RASGEF1C: variants seen among roughly 807,000 people sequenced by gnomAD.
RASGEF1C encodes the protein RasGEF domain family member 1C, also known as ras-GEF domain-containing family member 1C.
In RASGEF1C, 27 loss-of-function variants were observed where a neutral mutation model predicts 58.1. The observed-to-expected ratio is 0.46, with a 90% CI of 0.34 to 0.64. The LOEUF (loss-of-function observed/expected upper bound fraction) is 0.64. Among genes scored for constraint, RASGEF1C ranks in the 30% least tolerant of loss-of-function variants. RASGEF1C has a pLI of 0.01. For synonymous variants in RASGEF1C, 243 were observed against 246.3 expected (o/e 0.99, Z 0.13); for missense variants, 502 against 605.1 (o/e 0.83, Z 1.79).
intron 10 of RASGEF1C, among the ~76,000 whole-genome samples, chr5:180,115,728 G>A (rs373919194): frequency 2.6e-5 from 4 of 152,174 alleles, no homozygotes; most frequent in East Asian, 1.9e-4. Flanking sequence ...ATTTATACAT[G>A]AGGAAGCTGA....
chr5:180,185,217 G>C (rs1264191222), intron 1 of RASGEF1C, among the ~76,000 whole-genome samples: 1 of 151,786 alleles, frequency 6.6e-6, no homozygotes, highest in East Asian at 1.9e-4. Flanking sequence ...GTGTGAACCC[G>C]GGAGGCAGAG....
intron 1 of RASGEF1C, among the ~76,000 whole-genome samples, chr5:180,174,861 C>T (rs1350360441): frequency 6.6e-6 from 1 of 152,162 alleles, no homozygotes; most frequent in Non-Finnish European, 1.5e-5. Flanking sequence ...AGAGAGGGGC[C>T]GACCTGTGCT....
intron 10 of RASGEF1C, among the ~76,000 whole-genome samples, chr5:180,118,230 G>A (rs1582264607): frequency 6.6e-6 from 1 of 152,138 alleles, no homozygotes; most frequent in African/African-American, 2.4e-5. Flanking sequence ...AAGTGGGGAG[G>A]AGCCTGGAAA....
At chr5:180,112,249 C>T (rs1245885310) in intron 11 of RASGEF1C, among the ~76,000 whole-genome samples, 1 of 152,216 alleles carries the variant, frequency 6.6e-6, no homozygotes, top group East Asian at 1.9e-4. Flanking sequence ...CCATCTTGTC[C>T]ACATCACCTC....
chr5:180,102,084 ATCTT>A lies in RASGEF1C; in HGVS notation c.1359_1362del (p.Glu453AspfsTer5). On this transcript the variant is annotated frameshift_variant, in exon 13 of 14. Transcript: ENST00000361132. LOFTEE classifies it high-confidence loss of function. Reference sequence around the variant, plus strand: ...AGGAAGACTCACCTTAGAGCTTTCCATCTTTCTTTTTCTGTTTGGTTCTCTGGGC... The same window carrying A: ...AGGAAGACTCACCTTAGAGCTTTCCATCTTTTTCTGTTTGGTTCTCTGGGC... 6.3e-7 allele frequency: 1 copy of A among 1,599,912 alleles called. No individual in the cohort carries two copies. The highest frequency in any genetic ancestry group is 8.6e-7 in the Non-Finnish European group (1 of 1,166,966).
Position 180,137,072 on chromosome 5 carries a change from G to A in RASGEF1C, c.300+518C>T, listed in dbSNP as rs771711942. 3.9e-5 allele frequency among the ~76,000 whole-genome samples: 6 copies of A among 152,234 alleles called. No homozygotes were observed. Among genetic ancestry groups the A allele is most frequent in the African/African-American group, 1.4e-4 (6 of 41,464 alleles). On this transcript the variant is annotated intron_variant, in intron 3 of 13. Transcript: ENST00000361132. This position sits in a 1 kb window ranked among gnomAD's most constrained non-coding sequence, Gnocchi z 4.1. ...GGAAGCGGCAGCAGAGGGCGGGAGG[G>A]AGACAGGCCACGGTGCAGTGCTGTG...
intron 1 of RASGEF1C, among the ~76,000 whole-genome samples, chr5:180,184,571 C>T (rs1380293118): frequency 6.6e-6 from 1 of 152,008 alleles, no homozygotes; most frequent in African/African-American, 2.4e-5. Flanking sequence ...AGCAAGACTC[C>T]ATCTCAAAAA....
chr5:180,159,011 T>G (rs1318538586), intron 1 of RASGEF1C, among the ~76,000 whole-genome samples: 1 of 152,148 alleles, frequency 6.6e-6, no homozygotes, highest in Non-Finnish European at 1.5e-5. Flanking sequence ...TTTCTGCTGA[T>G]GTATTATTAA....
intron 11 of RASGEF1C, among the ~76,000 whole-genome samples, chr5:180,114,174 A>C (rs1316390411): frequency 6.6e-6 from 1 of 152,184 alleles, no homozygotes; most frequent in Non-Finnish European, 1.5e-5. Context: ...CTTTCTCGCC[A>C]GCCTGGTGCT....
At chr5:180,166,476 G>A (rs62406101) in intron 1 of RASGEF1C, among the ~76,000 whole-genome samples, 24,064 of 150,280 alleles carry the variant, frequency 0.16, 2,078 homozygotes, top group African/African-American at 0.2. Flanking sequence ...CCCTTTACCC[G>A]AGTGTGTCTT....
chr5:180,154,570 T>C (rs1315686257), intron 1 of RASGEF1C, among the ~76,000 whole-genome samples: 4 of 140,288 alleles, frequency 2.9e-5, no homozygotes, highest in Admixed American at 7.4e-5. Context: ...TGGACTGGGC[T>C]GGACTCTGGA....
intron 1 of RASGEF1C, among the ~76,000 whole-genome samples, chr5:180,163,379 G>A (rs78971806): frequency 0.03 from 4,496 of 151,698 alleles, 98 homozygotes; most frequent in South Asian, 0.093. Flanking sequence ...TGATATTAGC[G>A]GTAGGTTTTG....
At chr5:180,142,437 G>A (rs567979632) in intron 1 of RASGEF1C, among the ~76,000 whole-genome samples, 5 of 152,202 alleles carry the variant, frequency 3.3e-5, no homozygotes, top group East Asian at 1.9e-4. Flanking sequence ...GTTCTATAGC[G>A]TCCTTTCATC....
chr5:180,135,735 G>A (rs1010615070), intron 4 of RASGEF1C, among the ~76,000 whole-genome samples: 1 of 152,190 alleles, frequency 6.6e-6, no homozygotes, highest in African/African-American at 2.4e-5. Context: ...CACACCTAAG[G>A]CCTCCCAAGC....
intron 12 of RASGEF1C, among the ~76,000 whole-genome samples, chr5:180,108,069 A>G (rs1460614735): frequency 2.0e-5 from 3 of 151,948 alleles, no homozygotes; most frequent in African/African-American, 4.8e-5. Flanking sequence ...CTTTCTAGCC[A>G]TTATTTCTTT....
chr5:180,102,810 A>G (rs1249246095), intron 12 of RASGEF1C, among the ~76,000 whole-genome samples: 1 of 152,170 alleles, frequency 6.6e-6, no homozygotes, highest in Non-Finnish European at 1.5e-5. Flanking sequence ...TAGCGCTATC[A>G]TATCAGCCTT....
intron 1 of RASGEF1C, among the ~76,000 whole-genome samples, chr5:180,175,484 G>A (rs1390768094): frequency 6.6e-6 from 1 of 152,202 alleles, no homozygotes; most frequent in Non-Finnish European, 1.5e-5. Context: ...GTCCTGCTAA[G>A]AGCCCGGCCT....
intron 1 of RASGEF1C, among the ~76,000 whole-genome samples, chr5:180,195,808 C>T (rs1023700025): frequency 1.4e-4 from 21 of 152,054 alleles, no homozygotes; most frequent in South Asian, 1.0e-3. Flanking sequence ...CAAACAGATA[C>T]CTGCAGGCCC....
chr5:180,152,366 T>C (rs1438111828), intron 1 of RASGEF1C, among the ~76,000 whole-genome samples: 1 of 152,032 alleles, frequency 6.6e-6, no homozygotes, highest in African/African-American at 2.4e-5. Context: ...ATATACACCA[T>C]GGAATACTAT....
Sources: gnomAD v4.1 joint callset for allele counts (sites outside exome capture counted in the v4.1 genomes callset) on GRCh38, gnomAD v4.1.1 for gene constraint, Gnocchi (gnomAD v3.1) non-coding constraint, MANE v1.5 for transcripts, NCBI Gene and HGNC (gene_info 2026-07-23, HGNC 2026-07-21) for gene names.